The following TAF4 variants were observed in gnomAD, a reference collection of about 807,000 sequenced individuals.
The protein encoded by TAF4 is transcription initiation factor TFIID subunit 4.
In TAF4, 9 loss-of-function variants were observed where a neutral mutation model predicts 90.3. The observed-to-expected ratio is 0.10, with a 90% CI of 0.06 to 0.17. The LOEUF is 0.17. Ranked by LOEUF, TAF4 falls within the 10% of genes least tolerant of loss-of-function variation. TAF4 has a pLI of 1.00. For synonymous variants in TAF4, 818 were observed against 638.9 expected, an observed-to-expected ratio of 1.28 and a Z score of -4.23; for missense variants, 1,351 against 1,370.7, an observed-to-expected ratio of 0.99 and a Z score of 0.23.
chr20:62,029,173 G>A (rs984734991), intron 1 of TAF4, among the ~76,000 whole-genome samples: 3 of 150,422 alleles, frequency 2.0e-5, no homozygotes, highest in African/African-American at 4.9e-5. Context: ...TCTAGCCTGG[G>A]CGACAGAGCG....
chr20:62,062,493 G>C (rs1420946139), intron 1 of TAF4, among the ~76,000 whole-genome samples: 2 of 152,018 alleles, frequency 1.3e-5, no homozygotes, highest in African/African-American at 4.8e-5. Context: ...GAAGAGATGG[G>C]GTAAATCTCT....
chr20:62,023,873 A>G (rs1489575650), intron 1 of TAF4, among the ~76,000 whole-genome samples: 1 of 152,030 alleles, frequency 6.6e-6, no homozygotes, highest in Non-Finnish European at 1.5e-5. Context: ...GCCTGAGGTC[A>G]GGAGTTCAAG....
At chr20:61,978,691 G>C (rs981669291) in intron 14 of TAF4, among the ~76,000 whole-genome samples, 1 of 151,414 alleles carries the variant, frequency 6.6e-6, no homozygotes, top group Admixed American at 6.6e-5. Context: ...AACCAAGGCC[G>C]GGGGCGAGAC....
At chr20:61,984,140 A>G (rs2055567647) in intron 14 of TAF4, among the ~76,000 whole-genome samples, 1 of 152,124 alleles carries the variant, frequency 6.6e-6, no homozygotes, top group South Asian at 2.1e-4. Flanking sequence ...AGACTGAGCG[A>G]CCTCATCACT....
chr20:61,999,542 G>C (rs1397480454), intron 11 of TAF4, among the ~76,000 whole-genome samples: 2 of 152,234 alleles, frequency 1.3e-5, no homozygotes, highest in African/African-American at 4.8e-5. Flanking sequence ...GTGACTGCTG[G>C]TGAGGAAGGC....
At chr20:61,998,837 C>T in intron 12 of TAF4, 146 bp downstream of exon 12, 4 of 1,037,176 alleles carry the variant, frequency 3.9e-6, no homozygotes, top group Non-Finnish European at 4.2e-6. Flanking sequence ...CTCTTTGCAG[C>T]TCCACTGACA....
chr20:62,029,486 G>GCACACACACACA (rs56056225), intron 1 of TAF4, among the ~76,000 whole-genome samples: 9 of 146,088 alleles, frequency 6.2e-5, no homozygotes, highest in African/African-American at 1.8e-4. Flanking sequence ...GCGCGCGCGC[G>GCACACACACACA]CACACACACA....
intron 1 of TAF4, among the ~76,000 whole-genome samples, chr20:62,025,864 G>C (rs553591617): frequency 6.6e-6 from 1 of 152,342 alleles, no homozygotes; most frequent in Admixed American, 6.5e-5. Flanking sequence ...ACAGGAAGGA[G>C]GGCTAGAGAG....
At chr20:62,021,006 C>T (rs147382524) in intron 1 of TAF4, among the ~76,000 whole-genome samples, 62 of 152,248 alleles carry the variant, frequency 4.1e-4, no homozygotes, top group African/African-American at 1.5e-3. Context: ...AAGACCTTCC[C>T]CGTGTTTCCA....
intron 14 of TAF4, among the ~76,000 whole-genome samples, chr20:61,995,281 TA>T (rs2055656572): frequency 6.6e-6 from 1 of 152,318 alleles, no homozygotes; most frequent in Admixed American, 6.5e-5. Context: ...AAAACAGCTT[TA>T]ATAATAAGCT....
At chr20:62,013,511 T>C (rs1386866757) in intron 2 of TAF4, among the ~76,000 whole-genome samples, 1 of 152,264 alleles carries the variant, frequency 6.6e-6, no homozygotes, top group African/African-American at 2.4e-5. Flanking sequence ...AGCAGACAGA[T>C]GCTGCAGACT....
rs1264732003 is a variant in TAF4 at position 62,041,766 on chromosome 20, C to CT, written c.1360+22684dup. Among the ~76,000 whole-genome samples the CT allele has an allele frequency of 2.7e-5, 4 of 149,086 alleles. No individual in the cohort carries two copies. In the South Asian group the frequency reaches 6.3e-4, roughly 24 times the overall value. Reference sequence around the variant, plus strand: ...GGCAACAAAGCAAGAGCCCTTCTCTCTAAAAAAAAAAAAAATTGAAACATC... The same window carrying CT: ...GGCAACAAAGCAAGAGCCCTTCTCTCTTAAAAAAAAAAAAAATTGAAACATC... On this transcript the variant is annotated intron_variant, in intron 1 of 14. Transcript: ENST00000252996.
chr20:61,979,684 G>C (rs1284865909), intron 14 of TAF4, among the ~76,000 whole-genome samples: 2 of 149,410 alleles, frequency 1.3e-5, no homozygotes, highest in African/African-American at 4.9e-5. Context: ...TGCGGCCCGT[G>C]CAGGCGCGAT....
In TAF4 at chr20:62,065,688, G is replaced by T; in HGVS notation, c.123C>A (p.His41Gln). Residue 41 changes from histidine (H) to glutamine (Q), a missense_variant, in exon 1 of 15, where the codon CAC becomes CAA. His to Gln is a conservative substitution (Grantham distance 24). Transcript: ENST00000252996. Reference sequence around the variant, plus strand: ...CCTCGGGCGTGCGCGGCGCGAGGTGGTGGTGGTGGGCCGCGCTGGCCGCCA... The same window carrying T: ...CCTCGGGCGTGCGCGGCGCGAGGTGTTGGTGGTGGGCCGCGCTGGCCGCCA... Reference protein sequence around the residue: ...SQLAASAAHHHHLAPRTPEVR... With the variant: ...SQLAASAAHHQHLAPRTPEVR... The T allele has an allele frequency of 1.6e-6, 2 of 1,238,144 alleles. No homozygotes were observed. The highest frequency in any genetic ancestry group is 3.3e-5 in the South Asian group (2 of 59,884). 76.7% of individuals were successfully genotyped at this position (1,238,144 alleles called of 1,614,324 possible). A position where few individuals can be genotyped will look rare whatever the true frequency, so the allele number is the denominator to read the frequency against.
chr20:61,981,227 G>T (rs907539144), intron 14 of TAF4: 1 of 152,222 alleles, frequency 6.6e-6, no homozygotes, highest in Non-Finnish European at 1.5e-5. Flanking sequence ...CAGGGCAAAG[G>T]GACAGAGGCG....
chr20:62,016,042 G>C (rs1333681628), intron 1 of TAF4, among the ~76,000 whole-genome samples: 1 of 152,214 alleles, frequency 6.6e-6, no homozygotes, highest in African/African-American at 2.4e-5. Context: ...GCTCGGGAAC[G>C]AAGTAACAGG....
intron 14 of TAF4, among the ~76,000 whole-genome samples, chr20:61,977,192 C>A (rs6121866): frequency 0.013 from 1,910 of 143,212 alleles, 40 homozygotes; most frequent in African/African-American, 0.041. Context: ...CACGACACCG[C>A]CCAGCGGGGC....
intron 12 of TAF4, 33 bp from the exon 13 acceptor site, chr20:61,998,225 GT>G: frequency 6.3e-7 from 1 of 1,596,860 alleles, no homozygotes; most frequent in Non-Finnish European, 8.6e-7. Context: ...AGAAAAGTAA[GT>G]TATGAACTAA....
At chr20:61,981,670 G>A (rs529700080) in intron 14 of TAF4, among the ~76,000 whole-genome samples, 1 of 152,222 alleles carries the variant, frequency 6.6e-6, no homozygotes, top group South Asian at 2.1e-4. Flanking sequence ...CAGGGCAAAT[G>A]AGAGCTGGGC....
Sources: allele counts gnomAD v4.1 joint callset (sites outside exome capture counted in the v4.1 genomes callset), GRCh38; gene constraint gnomAD v4.1.1; transcripts MANE v1.5; gene names NCBI Gene and HGNC (gene_info 2026-07-23, HGNC 2026-07-21).